SPNS3: variants seen among roughly 807,000 people sequenced by gnomAD.
SPNS3 encodes the protein SPNS lysolipid transporter 3, sphingosine-1-phosphate (putative).
SPNS3 carries 51 observed loss-of-function variants against 54.4 expected under a neutral mutation model. That is an observed-to-expected ratio of 0.94 (90% CI 0.75 to 1.18). SPNS3 has a LOEUF of 1.18. Among genes scored for constraint, SPNS3 ranks in the 50% most tolerant of loss-of-function variants. SPNS3 has a pLI of 0.00. For missense variants in SPNS3, 669 were observed against 677.4 expected (o/e 0.99, Z 0.14); for synonymous variants, 309 against 294.7 (o/e 1.05, Z -0.50).
chr17:4,486,185 G>A lies in SPNS3; in HGVS notation c.1180-43G>A, dbSNP rs758594391. ...CAGGTGGGGAACAGCAGGCAAGGGT[G>A]CCCTCACTTGGGGTGCCCCCCTGCT... On this transcript the variant is annotated intron_variant, in intron 9 of 11. Transcript: ENST00000355530. The surrounding 1 kb of genome is among the most constrained non-coding windows in gnomAD (Gnocchi z 5.5). 2 of 1,482,594 alleles carry A rather than the reference G, an allele frequency of 1.3e-6. No individual in the cohort carries two copies. Among genetic ancestry groups the A allele is most frequent in the Non-Finnish European group, 1.8e-6 (2 of 1,115,922 alleles). 91.8% of individuals were successfully genotyped at this position (1,482,594 alleles called of 1,614,324 possible).
chr17:4,455,598 T>C (rs1567562090), intron 8 of SPNS3, among the ~76,000 whole-genome samples: 1 of 152,174 alleles, frequency 6.6e-6, no homozygotes, highest in Non-Finnish European at 1.5e-5. Flanking sequence ...CCCCCTCTCA[T>C]GAGCACCGTG....
intron 3 of SPNS3, among the ~76,000 whole-genome samples, chr17:4,445,489 T>C (rs1231845108): frequency 6.6e-6 from 1 of 151,910 alleles, no homozygotes; most frequent in Non-Finnish European, 1.5e-5. Context: ...AATTCTCCTG[T>C]CTCAGCCTCC....
chr17:4,443,760 T>A (rs1217469882), intron 2 of SPNS3, among the ~76,000 whole-genome samples: 1 of 152,196 alleles, frequency 6.6e-6, no homozygotes, highest in African/African-American at 2.4e-5. Context: ...TAAAAGACTA[T>A]GGGAACTTAT....
chr17:4,449,116 C>A, intron 6 of SPNS3, 119 bp from the exon 7 acceptor site: 1 of 1,191,940 alleles, frequency 8.4e-7, no homozygotes, highest in Non-Finnish European at 1.2e-6. Flanking sequence ...CCTATGGAAT[C>A]TTGAAGGTAA....
intron 8 of SPNS3, among the ~76,000 whole-genome samples, chr17:4,469,980 C>T (rs1971812842): frequency 1.3e-5 from 2 of 152,200 alleles, no homozygotes; most frequent in Admixed American, 6.5e-5. Flanking sequence ...ACATTTTGGC[C>T]TTTTTGCTTC....
intron 8 of SPNS3, among the ~76,000 whole-genome samples, chr17:4,465,248 G>C (rs1971645929): frequency 6.6e-6 from 1 of 152,176 alleles, no homozygotes; most frequent in Non-Finnish European, 1.5e-5. Flanking sequence ...CGTGTGGTCT[G>C]TGCTTCCTCA....
chr17:4,439,712 T>A lies in SPNS3; in HGVS notation c.254T>A (p.Leu85Ter). The change falls in exon 2 of 12, where the codon TTG becomes TAG. Residue 85 changes from leucine to a stop codon, truncating the protein, a stop_gained. Coordinates refer to ENST00000355530, the MANE Select transcript of SPNS3 (RefSeq NM_182538.5). LOFTEE classifies it high-confidence loss of function. ...VFQISDNHAGLLQTVFVSCLL... is the reference protein window; with the variant it reads ...VFQISDNHAG ...CAGATCAGTGACAACCATGCTGGTT[T>A]GCTTCAGACTGGTAAGGAGGAGCCC... The A allele has an allele frequency of 6.2e-7, 1 of 1,612,690 alleles. No homozygotes were observed. The highest frequency in any genetic ancestry group is 8.5e-7 in the Non-Finnish European group (1 of 1,179,494).
chr17:4,462,966 G>C (rs1269176685), intron 8 of SPNS3, among the ~76,000 whole-genome samples: 1 of 150,962 alleles, frequency 6.6e-6, no homozygotes, highest in Non-Finnish European at 1.5e-5. Context: ...TAAGTCCTGG[G>C]GAGACAGGCT....
At chr17:4,469,642 C>T in intron 8 of SPNS3, among the ~76,000 whole-genome samples, 1 of 125,754 alleles carries the variant, frequency 8.0e-6, no homozygotes, top group Non-Finnish European at 1.7e-5. Context: ...AAAAAAAAAG[C>T]AATTGGATAT....
chr17:4,451,205 G>A (rs1971154455), intron 7 of SPNS3, among the ~76,000 whole-genome samples: 1 of 151,682 alleles, frequency 6.6e-6, no homozygotes, highest in South Asian at 2.1e-4. Context: ...CGCACAGCTT[G>A]GAAGCCTGGG....
chr17:4,478,503 T>C, intron 8 of SPNS3, 69 bp from the exon 9 acceptor site: 1 of 1,419,664 alleles, frequency 7.0e-7, no homozygotes, highest in South Asian at 1.2e-5. Flanking sequence ...TCTCCACAGG[T>C]GGGAAGCAAC....
At chr17:4,442,804 G>A (rs1262642852) in intron 2 of SPNS3, among the ~76,000 whole-genome samples, 2 of 152,168 alleles carry the variant, frequency 1.3e-5, no homozygotes, top group Non-Finnish European at 2.9e-5. Flanking sequence ...GAGAAGTTAT[G>A]AGACTTGCTG....
chr17:4,460,822 C>T (rs1044891621), intron 8 of SPNS3, among the ~76,000 whole-genome samples: 1 of 152,190 alleles, frequency 6.6e-6, no homozygotes, highest in Middle Eastern at 3.4e-3. Flanking sequence ...CTGCAGTTTT[C>T]TTGTGGTGTC....
In SPNS3 at chr17:4,461,566, A is replaced by G. The variant is rs188916224; in HGVS notation, c.1113+8361A>G. Among the ~76,000 whole-genome samples, 14 of 151,926 alleles carry G rather than the reference A, an allele frequency of 9.2e-5. No individual in the cohort carries two copies. In the East Asian group the frequency reaches 1.9e-3, roughly 21 times the overall value. ...TAGACCTGGGGGCAAGGGCAGAAGC[A>G]GAGAGGAGTGAGGAGGCTGTTGTTA... is the stretch of plus-strand genomic sequence containing the variant. On this transcript the variant is annotated intron_variant, in intron 8 of 11. Transcript: ENST00000355530.
intron 1 of SPNS3, among the ~76,000 whole-genome samples, chr17:4,436,216 G>A (rs773665818): frequency 4.3e-4 from 66 of 152,298 alleles, no homozygotes; most frequent in Admixed American, 1.2e-3. Flanking sequence ...GGTGCCTGCA[G>A]CTGCCAGGCA....
In SPNS3 at chr17:4,464,742, G is replaced by A. The variant is rs148550744; in HGVS notation, c.1113+11537G>A. Among the ~76,000 whole-genome samples the A allele has an allele frequency of 8.7e-4, 133 of 152,168 alleles. 1 individual carries two copies. The highest frequency in any genetic ancestry group is 2.2e-3 in the African/African-American group (93 of 41,518). ...GTTGAGCAGGCTGGAGTGCAGTGGC[G>A]CAATCTCGGCTCACTGCAACCTCCG... On this transcript the variant is annotated intron_variant, in intron 8 of 11. Transcript: ENST00000355530.
At chr17:4,434,632 G>C (rs868601173) in intron 1 of SPNS3, among the ~76,000 whole-genome samples, 1 of 151,566 alleles carries the variant, frequency 6.6e-6, no homozygotes, top group African/African-American at 2.4e-5. Flanking sequence ...GAGTAGCTGG[G>C]ATTACAGGCG....
intron 8 of SPNS3, among the ~76,000 whole-genome samples, chr17:4,455,192 G>A (rs771799594): frequency 6.6e-6 from 1 of 152,212 alleles, no homozygotes; most frequent in Non-Finnish European, 1.5e-5. Flanking sequence ...GGGATTACAG[G>A]TGTGAGCCAT....
chr17:4,435,955 A>G (rs1970708216), intron 1 of SPNS3, among the ~76,000 whole-genome samples: 1 of 152,036 alleles, frequency 6.6e-6, no homozygotes, highest in Non-Finnish European at 1.5e-5. Flanking sequence ...AACAATAACA[A>G]CAGCTGATTG....
Sources: allele counts gnomAD v4.1 joint callset (sites outside exome capture counted in the v4.1 genomes callset), GRCh38; gene constraint gnomAD v4.1.1; non-coding constraint Gnocchi (gnomAD v3.1); transcripts MANE v1.5; gene names NCBI Gene and HGNC (gene_info 2026-07-23, HGNC 2026-07-21).